The following RAB6A variants were observed in gnomAD, a reference collection of about 807,000 sequenced individuals.
The protein encoded by RAB6A is ras-related protein Rab-6A.
Under a neutral mutation model 32.3 loss-of-function variants are expected in RAB6A, and 8 were observed. The ratio of observed to expected loss-of-function variants is 0.25; its 90% CI spans 0.15 to 0.45. The LOEUF (loss-of-function observed/expected upper bound fraction) is 0.45, where lower values mean the gene tolerates loss of function less well. RAB6A is among the 20% of genes least tolerant of loss of function. The pLI is 1.00. For missense variants in RAB6A, 104 were observed against 249.4 expected (o/e 0.42, Z 3.93); for synonymous variants, 73 against 82.1 (o/e 0.89, Z 0.60).
chr11:73,683,848 T>C (rs1324212956), intron 6 of RAB6A, among the ~76,000 whole-genome samples: 2 of 152,186 alleles, frequency 1.3e-5, no homozygotes, highest in Non-Finnish European at 2.9e-5. Flanking sequence ...CCACTGCGAC[T>C]GGACTGAAAT....
intron 1 of RAB6A, among the ~76,000 whole-genome samples, chr11:73,731,927 A>T (rs1419423248): frequency 6.6e-6 from 1 of 150,658 alleles, no homozygotes; most frequent in Non-Finnish European, 1.5e-5. Context: ...TATTTTTAGT[A>T]GAGATGGGGT....
At chr11:73,712,868 C>T (rs1338203357) in intron 5 of RAB6A, among the ~76,000 whole-genome samples, 1 of 151,796 alleles carries the variant, frequency 6.6e-6, no homozygotes, top group Admixed American at 6.6e-5. Context: ...CAGGCATGTG[C>T]CACTTCACCT....
At position 73,719,005 on chromosome 11, in the gene RAB6A, T is replaced by A; in HGVS notation, c.184-287A>T. ...GGTGGGAAGGAAGTAGAAAGAAGAC[T>A]CATGCAAGAGGTTGCAGGGAGTGAG... is the stretch of plus-strand genomic sequence containing the variant. On this transcript the variant is annotated intron_variant, in intron 3 of 7. Transcript: ENST00000336083. The A allele has an allele frequency of 3.2e-6, 3 of 935,556 alleles. No individual in the cohort carries two copies. The East Asian group carries it at 8.0e-5, about 25-fold the overall frequency. 58.0% of individuals were successfully genotyped at this position (935,556 alleles called of 1,614,324 possible).
At chr11:73,719,323 G>T (rs934386083) in intron 3 of RAB6A, among the ~76,000 whole-genome samples, 2 of 152,208 alleles carry the variant, frequency 1.3e-5, no homozygotes. Context: ...TTCTTTGAAA[G>T]CTTCTCTCAA....
intron 5 of RAB6A, 117 bp downstream of exon 5, chr11:73,716,134 G>C (rs895090034): frequency 3.0e-6 from 2 of 672,686 alleles, no homozygotes; most frequent in South Asian, 4.5e-5. Flanking sequence ...AAAAGCAGGG[G>C]AGGACGTAAA....
At chr11:73,686,016 G>A (rs1016260316) in intron 6 of RAB6A, among the ~76,000 whole-genome samples, 1 of 151,772 alleles carries the variant, frequency 6.6e-6, no homozygotes, top group African/African-American at 2.4e-5. Context: ...CAATTCTGCA[G>A]TGAATTCTAG....
At chr11:73,722,028 AGGACAT>A (rs1386467525) in intron 2 of RAB6A, among the ~76,000 whole-genome samples, 9 of 151,858 alleles carry the variant, frequency 5.9e-5, no homozygotes, top group African/African-American at 2.2e-4. Flanking sequence ...CATGTGAAGA[AGGACAT>A]GTTTGCTTCC....
intron 1 of RAB6A, among the ~76,000 whole-genome samples, chr11:73,751,179 CTGAGGCAGGAGGATCACT>C (rs1389017431): frequency 6.6e-6 from 1 of 152,076 alleles, no homozygotes; most frequent in Non-Finnish European, 1.5e-5. Flanking sequence ...ACTCAGGAGG[CTGAGGCAGGAGGATCACT>C]TGAGCCAGGA....
intron 1 of RAB6A, among the ~76,000 whole-genome samples, chr11:73,735,660 C>T (rs2134981739): frequency 6.6e-6 from 1 of 152,162 alleles, no homozygotes; most frequent in South Asian, 2.1e-4. Context: ...ACTTAGGAAG[C>T]TTTATTTATT....
At position 73,730,757 on chromosome 11, in the gene RAB6A, C is replaced by T. The variant is rs765314890; in HGVS notation, c.129+8G>A. On this transcript the variant is annotated splice_region_variant and intron_variant, in intron 2 of 7. Coordinates refer to ENST00000336083, the MANE Select transcript of RAB6A (RefSeq NM_198896.2). ...TAGACAACAAATAAATTGGCAAAAA[C>T]AAAATACCTGATAGGTGTTGTCAAA... is the stretch of plus-strand genomic sequence containing the variant. The T allele has an allele frequency of 1.3e-6, 2 of 1,592,674 alleles. No individual in the cohort carries two copies. The highest frequency in any genetic ancestry group is 1.1e-5 in the South Asian group (1 of 87,280).
chr11:73,695,214 T>G (rs1460084399), intron 6 of RAB6A, among the ~76,000 whole-genome samples: 1 of 151,916 alleles, frequency 6.6e-6, no homozygotes, highest in East Asian at 1.9e-4. Flanking sequence ...AAATTCAAAC[T>G]TACTTCTTGG....
intron 2 of RAB6A, among the ~76,000 whole-genome samples, chr11:73,724,636 G>A (rs1031004350): frequency 2.0e-5 from 3 of 151,970 alleles, no homozygotes; most frequent in African/African-American, 4.8e-5. Flanking sequence ...ACAGGCGCCC[G>A]ACACCAGGCC....
At chr11:73,705,816 T>C (rs1300369814) in intron 6 of RAB6A, among the ~76,000 whole-genome samples, 1 of 141,578 alleles carries the variant, frequency 7.1e-6, no homozygotes, top group East Asian at 2.1e-4. Context: ...TTCAATATAC[T>C]ATGGTAAGTA....
intron 6 of RAB6A, among the ~76,000 whole-genome samples, chr11:73,699,234 T>A (rs1435664728): frequency 6.6e-6 from 1 of 151,962 alleles, no homozygotes; most frequent in Non-Finnish European, 1.5e-5. Flanking sequence ...TAAACCTCTT[T>A]GTGCCAGCAT....
intron 6 of RAB6A, among the ~76,000 whole-genome samples, chr11:73,683,430 A>G (rs1218703464): frequency 6.6e-6 from 1 of 150,642 alleles, no homozygotes; most frequent in Non-Finnish European, 1.5e-5. Flanking sequence ...TAATTTTTGT[A>G]TTTTTTTTGT....
intron 6 of RAB6A, among the ~76,000 whole-genome samples, chr11:73,704,882 G>A (rs1488297062): frequency 6.6e-6 from 1 of 151,628 alleles, no homozygotes; most frequent in Non-Finnish European, 1.5e-5. Context: ...TGTAGTCCCA[G>A]CTGCTCGGGA....
chr11:73,699,500 G>A (rs1289167355), intron 6 of RAB6A, among the ~76,000 whole-genome samples: 1 of 151,586 alleles, frequency 6.6e-6, no homozygotes, highest in Non-Finnish European at 1.5e-5. Context: ...GCCAAGGCTG[G>A]TCTCAAACAC....
chr11:73,714,229 T>TATATATATATATAC (rs79775489), intron 5 of RAB6A, among the ~76,000 whole-genome samples: 19 of 117,464 alleles, frequency 1.6e-4, no homozygotes, highest in African/African-American at 4.8e-4. Flanking sequence ...TATATATATA[T>TATATATATATATAC]ACACACATAT....
chr11:73,705,765 G>T (rs925286687), intron 6 of RAB6A, among the ~76,000 whole-genome samples: 5 of 62,318 alleles, frequency 8.0e-5, no homozygotes, highest in Admixed American at 6.5e-4. Flanking sequence ...ATATAATTCC[G>T]ATGAGAGAGA....
Sources: allele counts gnomAD v4.1 joint callset (sites outside exome capture counted in the v4.1 genomes callset), GRCh38; gene constraint gnomAD v4.1.1; transcripts MANE v1.5; gene names NCBI Gene and HGNC (gene_info 2026-07-23, HGNC 2026-07-21).